The following NR3C2 variants were observed in gnomAD, a reference collection of about 807,000 sequenced individuals.
The protein encoded by NR3C2 is nuclear receptor subfamily 3 group C member 2, also known as mineralocorticoid receptor.
NR3C2 carries 15 observed loss-of-function variants against 86.4 expected under a neutral mutation model. That is an observed-to-expected ratio of 0.17 (90% CI 0.12 to 0.27). The LOEUF (loss-of-function observed/expected upper bound fraction) is 0.27, where lower values mean the gene tolerates loss of function less well. Among genes scored for constraint, NR3C2 ranks in the 10% least tolerant of loss-of-function variants. The pLI, the probability that NR3C2 is intolerant of heterozygous loss-of-function variation, is 1.00. For missense variants in NR3C2, 960 were observed against 1,195.6 expected (o/e 0.80, Z 2.91); for synonymous variants, 458 against 450.5 (o/e 1.02, Z -0.21).
At chr4:148,426,440 G>A (rs1749534860) in intron 2 of NR3C2, among the ~76,000 whole-genome samples, 1 of 152,202 alleles carries the variant, frequency 6.6e-6, no homozygotes, top group African/African-American at 2.4e-5. Flanking sequence ...GTATGATACT[G>A]GAGAAGCCAT....
rs57175085 is a variant in NR3C2 at position 148,104,342 on chromosome 4, GTTTTTT to G, written c.2799+9756_2799+9761del. Among the ~76,000 whole-genome samples, 10 of 63,794 alleles carry G rather than the reference GTTTTTT, an allele frequency of 1.6e-4. No homozygotes were observed. The Admixed American group carries it at 1.6e-3, about 10-fold the overall frequency. The allele number at this position is 63,794 out of a possible 152,430, so 41.9% of individuals were successfully genotyped here. ...GTTTGTTTTTTTGTGTTTTGGTTTG[GTTTTTT>G]TTTTTTTTTTTTTTGCATAATTTAT... On this transcript the variant is annotated intron_variant, in intron 8 of 8. Transcript: ENST00000358102.
In NR3C2 at chr4:148,194,755, T is replaced by TC. The variant is rs1299482556; in HGVS notation, c.2004dup (p.Asn669GlufsTer75). On this transcript the variant is annotated frameshift_variant, in exon 4 of 9. Transcript: ENST00000358102. LOFTEE classifies it high-confidence loss of function. Reference sequence around the variant, plus strand: ...AAAATACAAAACTTACCTCCTAAATTCATTCCAGCTTGAAGACATTTCTGA... The same window carrying TC: ...AAAATACAAAACTTACCTCCTAAATTCCATTCCAGCTTGAAGACATTTCTGA... The TC allele has an allele frequency of 6.2e-7, 1 of 1,607,380 alleles. No homozygotes were observed. Among genetic ancestry groups the TC allele is most frequent in the Non-Finnish European group, 8.5e-7 (1 of 1,176,890 alleles).
chr4:148,133,686 T>C (rs1733142585), intron 6 of NR3C2, among the ~76,000 whole-genome samples: 1 of 152,234 alleles, frequency 6.6e-6, no homozygotes, highest in African/African-American at 2.4e-5. Flanking sequence ...ATTACTCCAG[T>C]AACCAGAAGC....
chr4:148,288,158 C>T (rs74458017), intron 2 of NR3C2, among the ~76,000 whole-genome samples: 2,145 of 152,304 alleles, frequency 0.014, 54 homozygotes, highest in African/African-American at 0.049. Context: ...TTAGAGGTCA[C>T]TGGACCTTGT....
intron 2 of NR3C2, among the ~76,000 whole-genome samples, chr4:148,399,910 T>G (rs916691595): frequency 6.6e-6 from 1 of 152,340 alleles, no homozygotes; most frequent in East Asian, 1.9e-4. Context: ...GGAATACAGA[T>G]GCAAACCATA....
intron 2 of NR3C2, among the ~76,000 whole-genome samples, chr4:148,350,725 A>G (rs1275967568): frequency 6.6e-6 from 1 of 152,202 alleles, no homozygotes; most frequent in Non-Finnish European, 1.5e-5. Context: ...CAAGGGATAC[A>G]GACAGAGCCC....
chr4:148,428,159 A>C (rs1326259562), intron 2 of NR3C2, among the ~76,000 whole-genome samples: 1 of 152,230 alleles, frequency 6.6e-6, no homozygotes, highest in Non-Finnish European at 1.5e-5. Flanking sequence ...TGCAATGAGA[A>C]GAATGCACAA....
chr4:148,221,855 T>C (rs1014729957), intron 3 of NR3C2, among the ~76,000 whole-genome samples: 8 of 147,336 alleles, frequency 5.4e-5, no homozygotes, highest in Admixed American at 1.4e-4. Context: ...GATCTCACCA[T>C]TGCACTCCAG....
chr4:148,258,256 T>C (rs958503791), intron 3 of NR3C2, among the ~76,000 whole-genome samples: 4 of 152,152 alleles, frequency 2.6e-5, no homozygotes, highest in African/African-American at 4.8e-5. Context: ...AATTCTTACA[T>C]TGGAAAGCAC....
chr4:148,409,728 A>G (rs1382406716), intron 2 of NR3C2, among the ~76,000 whole-genome samples: 1 of 152,116 alleles, frequency 6.6e-6, no homozygotes, highest in South Asian at 2.1e-4. Flanking sequence ...TTCATGCAAA[A>G]TATTTTTTGC....
At chr4:148,410,837 A>G (rs1232244289) in intron 2 of NR3C2, among the ~76,000 whole-genome samples, 1 of 152,212 alleles carries the variant, frequency 6.6e-6, no homozygotes, top group Non-Finnish European at 1.5e-5. Flanking sequence ...ACACAGTACA[A>G]GAGTATCACA....
intron 6 of NR3C2, among the ~76,000 whole-genome samples, chr4:148,143,885 T>G (rs1343246088): frequency 1.4e-5 from 2 of 138,022 alleles, no homozygotes; most frequent in African/African-American, 5.5e-5. Context: ...AGGCGGAGTT[T>G]GCGGTGAGCC....
At chr4:148,182,643 T>C (rs151017478) in intron 4 of NR3C2, among the ~76,000 whole-genome samples, 4 of 152,322 alleles carry the variant, frequency 2.6e-5, no homozygotes, top group Non-Finnish European at 4.4e-5. Flanking sequence ...ACCTCACTTA[T>C]AGATAACTGC....
At chr4:148,169,823 C>T (rs1416962719) in intron 4 of NR3C2, among the ~76,000 whole-genome samples, 1 of 152,236 alleles carries the variant, frequency 6.6e-6, no homozygotes. Context: ...GCCCAAAGTA[C>T]ACATGGCAGA....
chr4:148,158,461 A>G (rs1045732230), intron 4 of NR3C2, among the ~76,000 whole-genome samples: 1 of 152,234 alleles, frequency 6.6e-6, no homozygotes, highest in African/African-American at 2.4e-5. Context: ...TATGACAAAT[A>G]AAAACATGTT....
At chr4:148,331,498 T>TA (rs1390053251) in intron 2 of NR3C2, among the ~76,000 whole-genome samples, 1 of 152,202 alleles carries the variant, frequency 6.6e-6, no homozygotes, top group Non-Finnish European at 1.5e-5. Flanking sequence ...TTAGAAAACT[T>TA]ACATATCAGA....
intron 2 of NR3C2, among the ~76,000 whole-genome samples, chr4:148,308,304 A>C (rs2149932730): frequency 6.6e-6 from 1 of 152,296 alleles, no homozygotes; most frequent in African/African-American, 2.4e-5. Flanking sequence ...ATGGAGGAAA[A>C]TTTCTAAAGA....
At chr4:148,243,927 T>C (rs977215517) in intron 3 of NR3C2, among the ~76,000 whole-genome samples, 2 of 152,190 alleles carry the variant, frequency 1.3e-5, no homozygotes, top group Admixed American at 6.6e-5. Flanking sequence ...TGTGGTTAGG[T>C]CATTTGCAAG....
chr4:148,300,792 G>A (rs1200710017), intron 2 of NR3C2, among the ~76,000 whole-genome samples: 1 of 151,964 alleles, frequency 6.6e-6, no homozygotes, highest in African/African-American at 2.4e-5. Context: ...GGCTGGGCTC[G>A]AACTCCTGAC....
Sources: allele counts gnomAD v4.1 joint callset (sites outside exome capture counted in the v4.1 genomes callset), GRCh38; gene constraint gnomAD v4.1.1; transcripts MANE v1.5; gene names NCBI Gene and HGNC (gene_info 2026-07-23, HGNC 2026-07-21).